The following HEATR1 variants were observed in gnomAD, a reference collection of about 807,000 sequenced individuals.
The protein encoded by HEATR1 is HEAT repeat-containing protein 1.
HEATR1 carries 77 observed loss-of-function variants against 248.2 expected under a neutral mutation model. That is an observed-to-expected ratio of 0.31 (90% CI 0.26 to 0.37). The LOEUF (loss-of-function observed/expected upper bound fraction) is 0.37, where lower values mean the gene tolerates loss of function less well. Among genes scored for constraint, HEATR1 ranks in the 10% least tolerant of loss-of-function variants. The pLI, the probability that HEATR1 is intolerant of heterozygous loss-of-function variation, is 1.00. For synonymous variants in HEATR1, 897 were observed against 923.1 expected, an observed-to-expected ratio of 0.97 and a Z score of 0.51; for missense variants, 2,420 against 2,504.9, an observed-to-expected ratio of 0.97 and a Z score of 0.72.
rs143980201 is a variant in HEATR1 at position 236,558,523 on chromosome 1, G to A, written c.4918C>T (p.Arg1640Cys). Residue 1640 changes from arginine (R) to cysteine (C), a missense_variant, in exon 36 of 45, where the codon CGT becomes TGT. Physicochemically the swap from Arg to Cys is radical, Grantham distance 180. Transcript: ENST00000366582. Reference sequence around the variant, plus strand: ...AGGTCTGGAACCAGTTTTAGGAAACGGGTAACCTGAAGGGGACAGCCAGAA... The same window carrying A: ...AGGTCTGGAACCAGTTTTAGGAAACAGGTAACCTGAAGGGGACAGCCAGAA... Reference protein sequence around the residue: ...NISWKKTIVTRFLKLVPDLLA... With the variant: ...NISWKKTIVTCFLKLVPDLLA... 57 of 1,610,386 alleles carry A rather than the reference G, an allele frequency of 3.5e-5. No homozygotes were observed. Among genetic ancestry groups the A allele is most frequent in the Non-Finnish European group, 4.3e-5 (51 of 1,177,502 alleles).
intron 20 of HEATR1, 47 bp from the exon 21 acceptor site, chr1:236,576,996 AAACAG>A: frequency 6.9e-7 from 1 of 1,446,934 alleles, no homozygotes; most frequent in African/African-American, 1.4e-5. Context: ...TTAAAAACTG[AAACAG>A]TACAAAATTT....
In HEATR1 at chr1:236,576,355, TCC is replaced by T. The variant is rs1209015234; in HGVS notation, c.2946_2947del (p.Glu983ThrfsTer15). 6.3e-7 allele frequency: 1 copy of T among 1,593,058 alleles called. No individual in the cohort carries two copies. The highest frequency in any genetic ancestry group is 1.2e-5 in the South Asian group (1 of 86,326). ...TTTCAGTTTCTTTTCTCTCTGTAGT[TCC>T]TCAAATAAAGTAGCCAAATCCTAAG... On this transcript the variant is annotated frameshift_variant, in exon 22 of 45. Coordinates refer to ENST00000366582, the MANE Select transcript of HEATR1 (RefSeq NM_018072.6). LOFTEE classifies it high-confidence loss of function.
rs1663215044 is a variant in HEATR1 at position 236,564,408 on chromosome 1, GC to G, written c.4599+89del. 2.7e-6 allele frequency: 3 copies of G among 1,124,702 alleles called. 1 individual carries two copies. The African/African-American group carries it at 4.7e-5, about 18-fold the overall frequency. The allele number at this position is 1,124,702 out of a possible 1,614,324, so 69.7% of individuals were successfully genotyped here. ...AAAGGCGTGCCTCCCATTTTCATGA[GC>G]CATTTACCAAGCTACTTCTACTGGT... On this transcript the variant is annotated intron_variant, in intron 32 of 44. Coordinates refer to ENST00000366582, the MANE Select transcript of HEATR1 (RefSeq NM_018072.6).
At chr1:236,600,058 A>G (rs760393396) in intron 3 of HEATR1, among the ~76,000 whole-genome samples, 1 of 148,364 alleles carries the variant, frequency 6.7e-6, no homozygotes, top group Non-Finnish European at 1.5e-5. Context: ...ACAGCTGGCT[A>G]ATTTTTTATT....
Position 236,595,572 on chromosome 1 carries a change from T to C in HEATR1, c.1058A>G (p.His353Arg), listed in dbSNP as rs1664155537. 6.2e-7 allele frequency: 1 copy of C among 1,612,132 alleles called. No homozygotes were observed. Among genetic ancestry groups the C allele is most frequent in the Non-Finnish European group, 8.5e-7 (1 of 1,178,684 alleles). The change falls in exon 8 of 45, where the codon CAT becomes CGT. Residue 353 changes from histidine to arginine, a missense_variant. Physicochemically the swap from His to Arg is conservative, Grantham distance 29. Transcript: ENST00000366582. ...ATGATGAATGATGGAGACGACCAGA[T>C]GGGGAAGCATGTAATGCAGAAGAGG... ...VSPLLHYMLP[H>R]LVVSIIHHVT...
rs375890479 is a variant in HEATR1 at position 236,557,920 on chromosome 1, G to C, written c.5204+317C>G. On this transcript the variant is annotated intron_variant, in intron 36 of 44. Transcript: ENST00000366582. ...ATAAACGGGAAGGCTGCATCTTTCTGTTTGAAGATTAATTATTTTTATTAT... is the reference window on the plus strand; with the variant it reads ...ATAAACGGGAAGGCTGCATCTTTCTCTTTGAAGATTAATTATTTTTATTAT... Among the ~76,000 whole-genome samples, 17 of 152,294 alleles carry C rather than the reference G, an allele frequency of 1.1e-4. No individual in the cohort carries two copies. In the East Asian group the frequency reaches 1.2e-3, roughly 10 times the overall value.
chr1:236,586,320 A>G lies in HEATR1; in HGVS notation c.1848T>C (p.Ser616=). The G allele has an allele frequency of 6.2e-7, 1 of 1,613,556 alleles. No homozygotes were observed. The highest frequency in any genetic ancestry group is 8.5e-7 in the Non-Finnish European group (1 of 1,179,532). The change falls in exon 15 of 45, where the codon TCT becomes TCC. Residue 616 remains serine, a synonymous_variant. Transcript: ENST00000366582. ...AATATATAGCAATTTTCATCTCAGCAGATTCCGTATCATCATTATTGATAA... is the reference window on the plus strand; with the variant it reads ...AATATATAGCAATTTTCATCTCAGCGGATTCCGTATCATCATTATTGATAA... The part of the protein sequence containing the change: ...FMVINNDDTE[S]AEMKIAIYLS...
chr1:236,551,927 G>T, intron 44 of HEATR1, 72 bp downstream of exon 44: 1 of 971,488 alleles, frequency 1.0e-6, no homozygotes, highest in Non-Finnish European at 1.6e-6. Context: ...CATTATCATT[G>T]GGCACATTTT....
In HEATR1 at chr1:236,556,173, G is replaced by C. The variant is rs776004580; in HGVS notation, c.5441C>G (p.Ala1814Gly). Residue 1814 changes from alanine (A) to glycine (G), a missense_variant, in exon 38 of 45, where the codon GCT (alanine) becomes GGT (glycine). Physicochemically the swap from Ala to Gly is moderately conservative, Grantham distance 60 (BLOSUM62 0). Transcript: ENST00000366582. ...IRLTSLKKTL[A>G]TTLAPRVLLP... ...CAGGACTCGGGGTGCAAGTGTGGTA[G>C]CCAGTGTCTTTTTAAGAGATGTGAG... 6.2e-7 allele frequency: 1 copy of C among 1,614,052 alleles called. No homozygotes were observed.
intron 6 of HEATR1, among the ~76,000 whole-genome samples, chr1:236,596,456 A>G (rs1005946957): frequency 7.2e-5 from 11 of 152,226 alleles, no homozygotes; most frequent in Admixed American, 7.2e-4. Context: ...GGAAGGCAGC[A>G]GGCAAGAAGG....
chr1:236,552,738 C>T (rs1321899256), intron 43 of HEATR1: 1 of 152,178 alleles, frequency 6.6e-6, no homozygotes, highest in Non-Finnish European at 1.5e-5. Context: ...TACTGGTCTT[C>T]TAATTTTGGA....
In HEATR1 at chr1:236,576,853, G is replaced by C. The variant is rs150392772; in HGVS notation, c.2852C>G (p.Pro951Arg). 61 of 1,613,922 alleles carry C rather than the reference G, an allele frequency of 3.8e-5. No homozygotes were observed. In the East Asian group the frequency reaches 1.3e-3, roughly 35 times the overall value. ...CAAATGATCTATTATCAGATAAAAC[G>C]GGGATGCCACTCCACTGAGGGCCTG... ...CLQALSGVAS[P>R]FYLIIDHLIS... is the part of the protein sequence containing the mutation. Residue 951 changes from proline to arginine, a missense_variant, in exon 21 of 45, where the codon CCG becomes CGG. Coordinates refer to ENST00000366582, the MANE Select transcript of HEATR1 (RefSeq NM_018072.6).
chr1:236,598,104 A>G (rs1172210755), intron 4 of HEATR1, 125 bp from the exon 5 acceptor site: 4 of 561,686 alleles, frequency 7.1e-6, no homozygotes, highest in African/African-American at 1.9e-5. Flanking sequence ...ATCTCTCCTT[A>G]TAACTGGTGG....
Position 236,595,871 on chromosome 1 carries a change from C to A in HEATR1, c.918G>T (p.Val306=). ...LIKDGLSCLI[V]LLQRQKPESL... The stretch of plus-strand genomic sequence containing the variant: ...TCTCTGGCTTCTGTCTCTGCAGGAG[C>A]ACTATCAAGCAACTTAACCCATCCT... The change falls in exon 7 of 45, where the codon GTG becomes GTT. Residue 306 remains valine (V), a synonymous_variant. Transcript: ENST00000366582. The A allele has an allele frequency of 6.2e-7, 1 of 1,614,022 alleles. No homozygotes were observed. The highest frequency in any genetic ancestry group is 1.7e-5 in the Admixed American group (1 of 60,022).
chr1:236,570,012 G>A (rs1403417390), intron 28 of HEATR1, among the ~76,000 whole-genome samples: 1 of 152,150 alleles, frequency 6.6e-6, no homozygotes, highest in African/African-American at 2.4e-5. Flanking sequence ...TAAGCAGCCG[G>A]GCACGGTGGC....
intron 17 of HEATR1, among the ~76,000 whole-genome samples, chr1:236,584,407 T>C (rs1364303489): frequency 3.3e-5 from 5 of 152,200 alleles, no homozygotes; most frequent in Non-Finnish European, 7.4e-5. Context: ...CCTGCGGGTA[T>C]ACGTAAATGT....
chr1:236,565,774 G>A (rs1663252484), intron 31 of HEATR1, 145 bp downstream of exon 31: 1 of 768,310 alleles, frequency 1.3e-6, no homozygotes, highest in South Asian at 2.1e-5. Context: ...TTTTCCATAA[G>A]GATTCAAGAA....
chr1:236,555,580 C>T lies in HEATR1; in HGVS notation c.5725G>A (p.Glu1909Lys), dbSNP rs1232844834. 6.8e-6 allele frequency: 11 copies of T among 1,614,172 alleles called. No homozygotes were observed. Among genetic ancestry groups the T allele is most frequent in the East Asian group, 2.2e-5 (1 of 44,890 alleles). Residue 1909 changes from glutamate (E) to lysine (K), a missense_variant, in exon 40 of 45, where the codon GAG becomes AAG. By Grantham distance (56) the Glu-to-Lys change is moderately conservative (BLOSUM62 1). Coordinates refer to ENST00000366582, the MANE Select transcript of HEATR1 (RefSeq NM_018072.6). Reference sequence around the variant, plus strand: ...AAGAACAGGGGCCTGAATGTGACCTCGGAAAGTTTGACAACCATGGCTACT... The same window carrying T: ...AAGAACAGGGGCCTGAATGTGACCTTGGAAAGTTTGACAACCATGGCTACT... The part of the protein sequence containing the change: ...CLVAMVVKLS[E>K]VTFRPLFFKL...
chr1:236,565,827 C>G, intron 31 of HEATR1, 92 bp downstream of exon 31: 7 of 1,194,948 alleles, frequency 5.9e-6, no homozygotes, highest in Non-Finnish European at 8.1e-6. Context: ...TTTAAAAATC[C>G]TTCTGAAGAT....
Sources: gnomAD v4.1 joint callset for allele counts (sites outside exome capture counted in the v4.1 genomes callset) on GRCh38, gnomAD v4.1.1 for gene constraint, MANE v1.5 for transcripts, NCBI Gene and HGNC (gene_info 2026-07-23, HGNC 2026-07-21) for gene names.